FARS2: variants seen among roughly 807,000 people sequenced by gnomAD.
FARS2 encodes phenylalanine--tRNA ligase, mitochondrial.
A neutral mutation model predicts 46.4 loss-of-function variants in FARS2; 40 were observed. The observed-to-expected ratio is 0.86, with a 90% confidence interval of 0.67 to 1.12. The LOEUF is 1.12. Among genes scored for constraint, FARS2 ranks in the 50% most tolerant of loss-of-function variants. The pLI is 0.00. For missense variants in FARS2, 513 were observed against 567.9 expected, an observed-to-expected ratio of 0.90 and a Z score of 0.98; for synonymous variants, 234 against 214.9, an observed-to-expected ratio of 1.09 and a Z score of -0.78.
chr6:5,595,272 C>A (rs530789721), intron 5 of FARS2, among the ~76,000 whole-genome samples: 19 of 152,290 alleles, frequency 1.2e-4, no homozygotes, highest in African/African-American at 3.6e-4. Context: ...ATTTTATAAT[C>A]CCTTCATACC....
intron 6 of FARS2, among the ~76,000 whole-genome samples, chr6:5,722,857 C>A (rs1049420694): frequency 6.6e-6 from 1 of 152,168 alleles, no homozygotes; most frequent in Non-Finnish European, 1.5e-5. Context: ...AAACTCTAAA[C>A]CCTAGTTATG....
chr6:5,545,062 A>C, intron 4 of FARS2, 118 bp from the exon 5 acceptor site: 1 of 895,274 alleles, frequency 1.1e-6, no homozygotes. Context: ...GCGGCTGCCC[A>C]GTGCCTTTGC....
the FARS2 span, among the ~76,000 whole-genome samples, chr6:5,254,744 T>C: frequency 6.6e-6 from 1 of 152,208 alleles, no homozygotes; most frequent in African/African-American, 2.4e-5. Context: ...CCTCTTCTCC[T>C]TCATTCCACT....
At chr6:5,357,505 A>T (rs1272345704) in intron 1 of FARS2, among the ~76,000 whole-genome samples, 1 of 152,186 alleles carries the variant, frequency 6.6e-6, no homozygotes, top group Non-Finnish European at 1.5e-5. Flanking sequence ...ACAGAAGACA[A>T]TTGGGAAGAG....
chr6:5,291,726 C>A (rs763261062), intron 1 of FARS2, among the ~76,000 whole-genome samples: 31 of 151,024 alleles, frequency 2.1e-4, no homozygotes, highest in South Asian at 2.1e-4. Flanking sequence ...CCACTGCAAG[C>A]CAGTATGGAC....
intron 6 of FARS2, among the ~76,000 whole-genome samples, chr6:5,620,650 A>G (rs939672720): frequency 2.6e-5 from 4 of 152,180 alleles, no homozygotes; most frequent in Non-Finnish European, 4.4e-5. Flanking sequence ...TGTCTTATAC[A>G]GAGTTCAGAA....
intron 4 of FARS2, among the ~76,000 whole-genome samples, chr6:5,484,890 G>C (rs1030013251): frequency 6.6e-6 from 1 of 152,194 alleles, no homozygotes; most frequent in African/African-American, 2.4e-5. Context: ...CTCTCTGAGG[G>C]GGCCTGGACT....
chr6:5,599,810 C>T (rs1002601674), intron 5 of FARS2, among the ~76,000 whole-genome samples: 18 of 152,208 alleles, frequency 1.2e-4, no homozygotes, highest in African/African-American at 4.3e-4. Context: ...CTGAGGCCGC[C>T]ACCTCCTCTG....
At chr6:5,341,206 TATATATATATATATATA>T (rs1771555886) in intron 1 of FARS2, among the ~76,000 whole-genome samples, 1 of 8,016 alleles carries the variant, frequency 1.2e-4, no homozygotes, top group Non-Finnish European at 2.7e-4. Flanking sequence ...TATATATATA[TATATATATATATATATA>T]TATATATATA....
At chr6:5,561,978 TTC>T (rs1336055112) in intron 5 of FARS2, among the ~76,000 whole-genome samples, 6 of 152,196 alleles carry the variant, frequency 3.9e-5, no homozygotes, top group Admixed American at 2.0e-4. Flanking sequence ...CTTGTTTAAT[TTC>T]TGTCTGATTT....
At chr6:5,510,815 C>T (rs1159297373) in intron 4 of FARS2, among the ~76,000 whole-genome samples, 1 of 151,862 alleles carries the variant, frequency 6.6e-6, no homozygotes, top group African/African-American at 2.4e-5. Flanking sequence ...AGGAGATGAC[C>T]TCAGGAAGTT....
At chr6:5,738,088 CT>C (rs1761066468) in intron 6 of FARS2, among the ~76,000 whole-genome samples, 1 of 152,148 alleles carries the variant, frequency 6.6e-6, no homozygotes. Flanking sequence ...GTACTTGGGA[CT>C]ACAGATGCAC....
chr6:5,433,481 C>T (rs1763346950), intron 4 of FARS2, among the ~76,000 whole-genome samples: 1 of 152,196 alleles, frequency 6.6e-6, no homozygotes, highest in Admixed American at 6.5e-5. Context: ...TAATTTGTTA[C>T]CTCTTTGACC....
chr6:5,391,446 C>T (rs1760508721), intron 2 of FARS2, among the ~76,000 whole-genome samples: 1 of 152,146 alleles, frequency 6.6e-6, no homozygotes, highest in African/African-American at 2.4e-5. Context: ...GTTAGTACTG[C>T]AAGTGGCAGT....
At chr6:5,449,297 C>A (rs1432184564) in intron 4 of FARS2, among the ~76,000 whole-genome samples, 1 of 131,922 alleles carries the variant, frequency 7.6e-6, no homozygotes, top group African/African-American at 2.9e-5. Context: ...TGCAGTGAGC[C>A]AAGACTTTGC....
intron 3 of FARS2, among the ~76,000 whole-genome samples, chr6:5,405,486 T>TTC (rs1562016503): frequency 1.6e-5 from 2 of 125,698 alleles, no homozygotes; most frequent in South Asian, 5.6e-4. Context: ...GGTTCTTTTT[T>TTC]TTTTTTTTTT....
intron 6 of FARS2, among the ~76,000 whole-genome samples, chr6:5,699,154 T>C (rs1758273889): frequency 6.6e-6 from 1 of 152,194 alleles, no homozygotes; most frequent in Non-Finnish European, 1.5e-5. Flanking sequence ...TGGCATTGAA[T>C]GTGATAGGGT....
At chr6:5,622,091 T>G (rs75739901) in intron 6 of FARS2, among the ~76,000 whole-genome samples, 9,274 of 152,310 alleles carry the variant, frequency 0.061, 859 homozygotes, top group African/African-American at 0.2. Context: ...TCAGGCTGCC[T>G]CCTGGGGTGC....
rs142679410 is a variant in FARS2 at position 5,717,544 on chromosome 6, T to C, written c.1218-53747T>C. On this transcript the variant is annotated intron_variant, in intron 6 of 6. Transcript: ENST00000274680. ...ATGTTCTTCTATCCTCTGTATTGCCTGAAAACTAGTAGCTGAATCTAGAGG... is the reference window on the plus strand; with the variant it reads ...ATGTTCTTCTATCCTCTGTATTGCCCGAAAACTAGTAGCTGAATCTAGAGG... Among the ~76,000 whole-genome samples, 1,089 of 152,238 alleles carry C rather than the reference T, an allele frequency of 7.2e-3. 6 individuals carry two copies. The highest frequency in any genetic ancestry group is 0.015 in the South Asian group (73 of 4,822).
Sources: gnomAD v4.1 joint callset for allele counts (sites outside exome capture counted in the v4.1 genomes callset) on GRCh38, gnomAD v4.1.1 for gene constraint, MANE v1.5 for transcripts, NCBI Gene and HGNC (gene_info 2026-07-23, HGNC 2026-07-21) for gene names.